LINGO2: variants seen among roughly 807,000 people sequenced by gnomAD.
The protein encoded by LINGO2 is leucine-rich repeat and immunoglobulin-like domain-containing nogo receptor-interacting protein 2.
A neutral mutation model predicts 30.6 loss-of-function variants in LINGO2; 14 were observed. The ratio of observed to expected loss-of-function variants is 0.46; its 90% CI spans 0.30 to 0.72. The LOEUF (loss-of-function observed/expected upper bound fraction) is 0.72. Ranked by LOEUF, LINGO2 falls within the 30% of genes least tolerant of loss-of-function variation. The probability of loss-of-function intolerance (pLI) is 0.07; values close to 1 mark genes in which losing one functional copy is unlikely to be tolerated. For synonymous variants in LINGO2, 317 were observed against 288.5 expected (o/e 1.10, Z -1.00); for missense variants, 729 against 751.7 (o/e 0.97, Z 0.35).
intron 3 of LINGO2, among the ~76,000 whole-genome samples, chr9:28,348,602 A>G (rs1461894920): frequency 6.6e-6 from 1 of 152,210 alleles, no homozygotes; most frequent in Non-Finnish European, 1.5e-5. Flanking sequence ...AGGCTTGATT[A>G]GGTAAACAAA....
At chr9:28,713,038 G>A in the LINGO2 span, among the ~76,000 whole-genome samples, 1 of 151,958 alleles carries the variant, frequency 6.6e-6, no homozygotes, top group South Asian at 2.1e-4. Flanking sequence ...GCTGATTTTT[G>A]TATTTTTAGT....
At chr9:28,847,807 ATATGT>A in the LINGO2 span, among the ~76,000 whole-genome samples, 4 of 36,924 alleles carry the variant, frequency 1.1e-4, 1 homozygote, top group East Asian at 1.2e-3. Flanking sequence ...TGTATAGTAT[ATATGT>A]ATATATACAT....
intron 1 of LINGO2, among the ~76,000 whole-genome samples, chr9:28,560,395 A>G (rs560912185): frequency 2.6e-5 from 4 of 152,216 alleles, no homozygotes; most frequent in African/African-American, 9.6e-5. Context: ...TCTTCAGGCT[A>G]TCAGCCTTCA....
chr9:28,234,895 T>A (rs906552590), intron 4 of LINGO2, among the ~76,000 whole-genome samples: 1 of 150,760 alleles, frequency 6.6e-6, no homozygotes, highest in Admixed American at 6.6e-5. Context: ...TCTGTCCCTC[T>A]AGAAAACCCT....
chr9:28,590,731 A>G (rs1036914251), intron 1 of LINGO2, among the ~76,000 whole-genome samples: 78 of 152,278 alleles, frequency 5.1e-4, no homozygotes, highest in Admixed American at 8.5e-4. Flanking sequence ...TAGTTCAACC[A>G]CTGTGGAAGT....
chr9:29,071,206 T>A, the LINGO2 span, among the ~76,000 whole-genome samples: 1 of 80,334 alleles, frequency 1.2e-5, no homozygotes, highest in South Asian at 4.0e-4. Context: ...ATTGTATTTT[T>A]TAGAGACAGG....
At chr9:28,198,734 C>T (rs1415311669) in intron 4 of LINGO2, among the ~76,000 whole-genome samples, 1 of 152,052 alleles carries the variant, frequency 6.6e-6, no homozygotes, top group Non-Finnish European at 1.5e-5. Flanking sequence ...CAGACAGCAG[C>T]TAAGAAAAAT....
At chr9:28,506,485 C>CACATATATATATATAT (rs1820135121) in intron 1 of LINGO2, among the ~76,000 whole-genome samples, 1 of 73,398 alleles carries the variant, frequency 1.4e-5, no homozygotes, top group African/African-American at 5.1e-5. Context: ...CACACATACA[C>CACATATATATATATAT]ATACACACAC....
At chr9:28,502,231 T>C (rs1233940988) in intron 1 of LINGO2, among the ~76,000 whole-genome samples, 3 of 152,024 alleles carry the variant, frequency 2.0e-5, no homozygotes, top group African/African-American at 7.2e-5. Flanking sequence ...TAGATTTTCA[T>C]GACACCACCC....
At chr9:28,027,319 G>A (rs951828124) in intron 4 of LINGO2, among the ~76,000 whole-genome samples, 4 of 152,156 alleles carry the variant, frequency 2.6e-5, no homozygotes, top group African/African-American at 9.7e-5. Context: ...GCAAGTGGTG[G>A]TTCAAGCATG....
chr9:28,104,036 T>C (rs1381894709), intron 4 of LINGO2, among the ~76,000 whole-genome samples: 1 of 152,002 alleles, frequency 6.6e-6, no homozygotes, highest in Non-Finnish European at 1.5e-5. Flanking sequence ...CTATTACCTA[T>C]TATTTTAAAG....
the LINGO2 span, among the ~76,000 whole-genome samples, chr9:28,722,730 G>T: frequency 1.3e-5 from 2 of 152,116 alleles, no homozygotes; most frequent in Non-Finnish European, 2.9e-5. Context: ...GGGAATATGC[G>T]ACAACCTTTG....
intron 1 of LINGO2, among the ~76,000 whole-genome samples, chr9:28,506,417 TATATACACAC>T (rs2135339547): frequency 3.2e-4 from 1 of 3,152 alleles, no homozygotes; most frequent in African/African-American, 5.4e-4. Context: ...TATATATATA[TATATACACAC>T]ACACACACAC....
chr9:28,104,028 A>G (rs1350890273), intron 4 of LINGO2, among the ~76,000 whole-genome samples: 2 of 151,864 alleles, frequency 1.3e-5, no homozygotes, highest in Non-Finnish European at 2.9e-5. Context: ...TCTTTTTTCT[A>G]TTACCTATTA....
At chr9:28,053,051 G>T (rs1824750375) in intron 4 of LINGO2, among the ~76,000 whole-genome samples, 1 of 152,208 alleles carries the variant, frequency 6.6e-6, no homozygotes, top group African/African-American at 2.4e-5. Flanking sequence ...ATAATCCAGA[G>T]AGTAATACAA....
intron 4 of LINGO2, among the ~76,000 whole-genome samples, chr9:28,021,786 C>T (rs946936506): frequency 3.9e-5 from 6 of 152,050 alleles, no homozygotes; most frequent in Non-Finnish European, 5.9e-5. Context: ...TCGTTTAATA[C>T]ACTACTTCTG....
At chr9:28,538,788 C>G (rs554931778) in intron 1 of LINGO2, among the ~76,000 whole-genome samples, 1 of 152,168 alleles carries the variant, frequency 6.6e-6, no homozygotes, top group African/African-American at 2.4e-5. Context: ...ACCGAAACAC[C>G]TCCCGAAAGT....
chr9:28,368,878 GAGCCACCGTGCCC>G (rs1245983343), intron 3 of LINGO2, among the ~76,000 whole-genome samples: 2 of 151,948 alleles, frequency 1.3e-5, no homozygotes, highest in African/African-American at 4.8e-5. Flanking sequence ...TTACAGGCGT[GAGCCACCGTGCCC>G]AGCCTAGAGT....
At chr9:28,164,913 ATT>A (rs1828385199) in intron 4 of LINGO2, among the ~76,000 whole-genome samples, 1 of 152,160 alleles carries the variant, frequency 6.6e-6, no homozygotes, top group South Asian at 2.1e-4. Flanking sequence ...ATATCGAATT[ATT>A]ATTGGATATC....
Sources: gnomAD v4.1 joint callset for allele counts (sites outside exome capture counted in the v4.1 genomes callset) on GRCh38, gnomAD v4.1.1 for gene constraint, MANE v1.5 for transcripts, NCBI Gene and HGNC (gene_info 2026-07-23, HGNC 2026-07-21) for gene names.